Variants in PAM observed in about 807,000 individuals in gnomAD.
PAM encodes the protein peptidylglycine alpha-amidating monooxygenase.
In PAM, 72 loss-of-function variants were observed where a neutral mutation model predicts 122.1. That is an observed-to-expected ratio of 0.59 (90% CI 0.49 to 0.72). The LOEUF (loss-of-function observed/expected upper bound fraction) is 0.72, where lower values mean the gene tolerates loss of function less well. Among genes scored for constraint, PAM ranks in the 30% least tolerant of loss-of-function variants. PAM has a pLI of 0.00. For synonymous variants in PAM, 389 were observed against 404.4 expected, an observed-to-expected ratio of 0.96 and a Z score of 0.46; for missense variants, 1,106 against 1,183.7, an observed-to-expected ratio of 0.93 and a Z score of 0.96.
intron 23 of PAM, among the ~76,000 whole-genome samples, chr5:103,023,103 G>C (rs568385240): frequency 6.6e-6 from 1 of 152,144 alleles, no homozygotes; most frequent in East Asian, 1.9e-4. Context: ...CTAAAGTGCT[G>C]TGTATGTATT....
intron 1 of PAM, among the ~76,000 whole-genome samples, chr5:102,794,748 A>G (rs1391892381): frequency 4.6e-5 from 7 of 152,154 alleles, no homozygotes; most frequent in African/African-American, 1.7e-4. Context: ...TTTTTGTTTG[A>G]TGACTATGTA....
At chr5:102,879,970 A>T (rs1449759819) in intron 3 of PAM, among the ~76,000 whole-genome samples, 2 of 152,160 alleles carry the variant, frequency 1.3e-5, no homozygotes, top group African/African-American at 4.8e-5. Flanking sequence ...TTCTCAGAAC[A>T]TATCCCCATT....
At chr5:102,837,293 C>G (rs1777365037) in intron 1 of PAM, among the ~76,000 whole-genome samples, 1 of 152,236 alleles carries the variant, frequency 6.6e-6, no homozygotes, top group African/African-American at 2.4e-5. Context: ...GGCCTTCTCA[C>G]ATTGCCTTGC....
At chr5:102,949,720 AG>A in intron 10 of PAM, 103 bp downstream of exon 10, 1 of 755,456 alleles carries the variant, frequency 1.3e-6, no homozygotes, top group Non-Finnish European at 2.3e-6. Context: ...TTTCAATGAA[AG>A]TGATTTCATA....
intron 15 of PAM, among the ~76,000 whole-genome samples, chr5:102,976,982 A>G (rs1028066964): frequency 6.6e-6 from 1 of 152,170 alleles, no homozygotes; most frequent in Non-Finnish European, 1.5e-5. Flanking sequence ...TCTATTCAGA[A>G]CCCTGATCTG....
At chr5:102,946,954 T>G in intron 8 of PAM, 69 bp downstream of exon 8, 1 of 959,672 alleles carries the variant, frequency 1.0e-6, no homozygotes, top group Non-Finnish European at 1.7e-6. Context: ...GTGGGAAGTT[T>G]ACTGTATTAA....
chr5:102,759,698 G>T (rs1009481335), intron 1 of PAM, among the ~76,000 whole-genome samples: 6 of 152,178 alleles, frequency 3.9e-5, no homozygotes, highest in African/African-American at 9.7e-5. Context: ...GTAAGAAACT[G>T]AGAGGAGTTT....
chr5:102,844,791 A>G (rs1392639872), intron 1 of PAM, among the ~76,000 whole-genome samples: 1 of 152,236 alleles, frequency 6.6e-6, no homozygotes, highest in African/African-American at 2.4e-5. Flanking sequence ...ACAGCTTATG[A>G]GTAGCAGAGC....
intron 1 of PAM, among the ~76,000 whole-genome samples, chr5:102,835,066 C>T (rs892412124): frequency 6.6e-6 from 1 of 151,982 alleles, no homozygotes; most frequent in African/African-American, 2.4e-5. Flanking sequence ...AAGGAAAAGT[C>T]AATTACATGT....
intron 3 of PAM, among the ~76,000 whole-genome samples, chr5:102,881,155 C>CACACACACACACACACACACAG (rs1046039847): frequency 1.3e-4 from 20 of 151,222 alleles, no homozygotes; most frequent in African/African-American, 4.4e-4. Flanking sequence ...CACACACACA[C>CACACACACACACACACACACAG]AGAGACTTCT....
At chr5:102,972,625 G>A (rs1380721608) in intron 14 of PAM, among the ~76,000 whole-genome samples, 2 of 152,074 alleles carry the variant, frequency 1.3e-5, no homozygotes. Context: ...AAATACTCTT[G>A]TATTTTATTT....
chr5:102,897,636 GC>G (rs762265093), intron 3 of PAM, among the ~76,000 whole-genome samples: 110 of 151,580 alleles, frequency 7.3e-4, no homozygotes, highest in Non-Finnish European at 1.4e-3. Flanking sequence ...TTTACAAATA[GC>G]CAAAGAAATA....
Position 102,854,687 on chromosome 5 carries a change from G to T in PAM, c.-373-11136G>T, listed in dbSNP as rs1782168121. On this transcript the variant is annotated intron_variant, in intron 1 of 25. Transcript: ENST00000438793. ...ATTATTAAAAACTGGGAAAGAACAA[G>T]CCACTCTGTGAGCACCTTGTTAAAA... Among the ~76,000 whole-genome samples the T allele has an allele frequency of 3.3e-5, 5 of 152,126 alleles. No individual in the cohort carries two copies. The South Asian group carries it at 1.0e-3, about 32-fold the overall frequency.
chr5:103,014,773 A>T (rs1002067606), intron 21 of PAM, among the ~76,000 whole-genome samples: 1 of 152,196 alleles, frequency 6.6e-6, no homozygotes, highest in Non-Finnish European at 1.5e-5. Context: ...ACAGTAGGAC[A>T]ATAAAGAAAA....
At chr5:102,923,648 A>T (rs1337652231) in intron 5 of PAM, among the ~76,000 whole-genome samples, 1 of 152,212 alleles carries the variant, frequency 6.6e-6, no homozygotes, top group Non-Finnish European at 1.5e-5. Flanking sequence ...CAGACATACT[A>T]CCATCTATTA....
In PAM at chr5:102,835,487, T is replaced by C. The variant is rs184787133; in HGVS notation, c.-373-30336T>C. The stretch of plus-strand genomic sequence containing the variant: ...TTAAAAACAGGAACATTTTCTCCTT[T>C]TAAATTCACCTTTTCTTTTTGTAGG... On this transcript the variant is annotated intron_variant, in intron 1 of 25. Transcript: ENST00000438793. 7.2e-5 allele frequency among the ~76,000 whole-genome samples: 11 copies of C among 152,246 alleles called. 2 individuals carry two copies. Among genetic ancestry groups the C allele is most frequent in the African/African-American group, 2.6e-4 (11 of 41,554 alleles).
chr5:102,862,054 C>T (rs957616483), intron 1 of PAM, among the ~76,000 whole-genome samples: 2 of 151,592 alleles, frequency 1.3e-5, no homozygotes, highest in African/African-American at 2.4e-5. Context: ...TCTGTAGTCC[C>T]GGCTACTCGG....
chr5:102,818,021 TC>T lies in PAM; in HGVS notation c.-373-47801del, dbSNP rs1344454981. ...CGAAAACCTACTTAAACTTTTTTTT[TC>T]TCAAAAAAAAAAAAAAAAAAAAAAA... On this transcript the variant is annotated intron_variant, in intron 1 of 25. Coordinates refer to ENST00000438793, the MANE Select transcript of PAM (RefSeq NM_001177306.2). Among the ~76,000 whole-genome samples, 9 of 126,770 alleles carry T rather than the reference TC, an allele frequency of 7.1e-5. No individual in the cohort carries two copies. In the South Asian group the frequency reaches 2.1e-3, roughly 29 times the overall value. The allele number at this position is 126,770 out of a possible 152,430, so 83.2% of individuals were successfully genotyped here.
chr5:102,765,201 T>C (rs1360685804), intron 1 of PAM, among the ~76,000 whole-genome samples: 1 of 152,184 alleles, frequency 6.6e-6, no homozygotes, highest in Non-Finnish European at 1.5e-5. Flanking sequence ...AAAATATTCA[T>C]GATTGTATTC....
Sources: gnomAD v4.1 joint callset for allele counts (sites outside exome capture counted in the v4.1 genomes callset) on GRCh38, gnomAD v4.1.1 for gene constraint, MANE v1.5 for transcripts, NCBI Gene and HGNC (gene_info 2026-07-23, HGNC 2026-07-21) for gene names.